The following PEX14 variants were observed in gnomAD, a reference collection of about 807,000 sequenced individuals.
The protein encoded by PEX14 is peroxisomal biogenesis factor 14, also known as peroxisomal membrane protein PEX14.
In PEX14, 15 loss-of-function variants were observed where a neutral mutation model predicts 49.5. The ratio of observed to expected loss-of-function variants is 0.30; its 90% confidence interval spans 0.20 to 0.47. The LOEUF is 0.47. PEX14 is among the 20% of genes least tolerant of loss of function. The pLI is 1.00. For synonymous variants in PEX14, 210 were observed against 212.7 expected (o/e 0.99, Z 0.11); for missense variants, 398 against 494.8 (o/e 0.80, Z 1.86).
intron 3 of PEX14, among the ~76,000 whole-genome samples, chr1:10,562,155 C>T (rs1476805368): frequency 6.6e-6 from 1 of 152,196 alleles, no homozygotes; most frequent in Non-Finnish European, 1.5e-5. Flanking sequence ...GCACTGCCCC[C>T]TGCTGCCCCA....
intron 2 of PEX14, among the ~76,000 whole-genome samples, chr1:10,502,796 C>CTT (rs34497048): frequency 6.0e-5 from 8 of 132,960 alleles, no homozygotes; most frequent in Non-Finnish European, 1.3e-4. Flanking sequence ...TTTTCTTTTT[C>CTT]TTTTTTTTTT....
chr1:10,545,178 T>C (rs981820773), intron 3 of PEX14, among the ~76,000 whole-genome samples: 37 of 152,246 alleles, frequency 2.4e-4, no homozygotes, highest in Admixed American at 2.4e-3. Context: ...TTGTTGTATA[T>C]ACTAGTGGTT....
chr1:10,603,376 AGAAATTCT>A (rs1641039876), intron 4 of PEX14, among the ~76,000 whole-genome samples: 1 of 152,226 alleles, frequency 6.6e-6, no homozygotes, highest in South Asian at 2.1e-4. Flanking sequence ...TATACAGACA[AGAAATTCT>A]GAAATTCTGA....
At chr1:10,509,415 C>G (rs904890946) in intron 2 of PEX14, among the ~76,000 whole-genome samples, 4 of 152,180 alleles carry the variant, frequency 2.6e-5, no homozygotes, top group African/African-American at 9.7e-5. Context: ...ATTATTATTT[C>G]TATTGGATTT....
At chr1:10,493,287 T>G (rs1476332716) in intron 1 of PEX14, among the ~76,000 whole-genome samples, 1 of 152,194 alleles carries the variant, frequency 6.6e-6, no homozygotes, top group Non-Finnish European at 1.5e-5. Context: ...AATGATAGTC[T>G]GTTTGCATCC....
At chr1:10,572,109 C>G (rs1485258323) in intron 3 of PEX14, among the ~76,000 whole-genome samples, 3 of 152,106 alleles carry the variant, frequency 2.0e-5, no homozygotes, top group Non-Finnish European at 4.4e-5. Context: ...AAAGGGCTGA[C>G]AGATCTAACT....
chr1:10,570,612 A>G (rs1444274443), intron 3 of PEX14, among the ~76,000 whole-genome samples: 1 of 152,154 alleles, frequency 6.6e-6, no homozygotes, highest in Admixed American at 6.5e-5. Context: ...GATTACAGGC[A>G]TGAGCCACTG....
intron 3 of PEX14, among the ~76,000 whole-genome samples, chr1:10,542,080 T>A (rs1000396016): frequency 6.6e-6 from 1 of 151,756 alleles, no homozygotes; most frequent in East Asian, 1.9e-4. Context: ...CATGTATTAG[T>A]AAAAAAAAAT....
At position 10,628,021 on chromosome 1, in the gene PEX14, T is replaced by C. The variant is rs1198133058; in HGVS notation, c.677+658T>C. ...CACGATCTCGGCTCACTGCAACCTC[T>C]GCCTCCCGGGTTCACGCCATTCTCC... On this transcript the variant is annotated intron_variant, in intron 8 of 8. Coordinates refer to ENST00000356607, the MANE Select transcript of PEX14 (RefSeq NM_004565.3). This position sits in a 1 kb window ranked among gnomAD's most constrained non-coding sequence, Gnocchi z 4.5. Among the ~76,000 whole-genome samples, 1 of 152,130 alleles carries C rather than the reference T, an allele frequency of 6.6e-6. No homozygotes were observed. The highest frequency in any genetic ancestry group is 1.5e-5 in the Non-Finnish European group (1 of 68,020).
In PEX14 at chr1:10,629,722, A is replaced by G; in HGVS notation, c.869A>G (p.Tyr290Cys). The G allele has an allele frequency of 1.2e-6, 2 of 1,604,456 alleles. No individual in the cohort carries two copies. Among genetic ancestry groups the G allele is most frequent in the Non-Finnish European group, 1.7e-6 (2 of 1,175,590 alleles). The change falls in exon 9 of 9, where the codon TAC becomes TGC. Residue 290 changes from tyrosine to cysteine, a missense_variant. Transcript: ENST00000356607. The surrounding 1 kb of genome is among the most constrained non-coding windows in gnomAD (Gnocchi z 8.5). ...GHSPEGSTVTYHLLGPQEEGE... is the reference protein window; with the variant it reads ...GHSPEGSTVTCHLLGPQEEGE... ...AGCCCCGAGGGCTCCACGGTCACCT[A>G]CCACTTGCTGGGCCCCCAGGAGGAA... is the stretch of plus-strand genomic sequence containing the variant.
Position 10,475,129 on chromosome 1 carries a change from T to G in PEX14, c.36+127T>G, listed in dbSNP as rs1641171529. ...CTGGGGACCCCGACCTCTTGCCCCC[T>G]CCTGAGCCCCGCCCCTCCCCAGGTC... On this transcript the variant is annotated intron_variant, in intron 1 of 8. Coordinates refer to ENST00000356607, the MANE Select transcript of PEX14 (RefSeq NM_004565.3). 1.3e-5 allele frequency: 11 copies of G among 859,432 alleles called. No homozygotes were observed. The South Asian group carries it at 1.6e-4, about 12-fold the overall frequency. The allele number at this position is 859,432 out of a possible 1,614,324, so 53.2% of individuals were successfully genotyped here.
intron 3 of PEX14, among the ~76,000 whole-genome samples, chr1:10,544,062 A>G (rs966194108): frequency 2.6e-5 from 4 of 152,254 alleles, no homozygotes; most frequent in African/African-American, 9.6e-5. Flanking sequence ...AGATGGAAAT[A>G]GAAATGACAG....
At chr1:10,533,236 G>A (rs187973620) in intron 2 of PEX14, among the ~76,000 whole-genome samples, 1 of 152,036 alleles carries the variant, frequency 6.6e-6, no homozygotes, top group Non-Finnish European at 1.5e-5. Flanking sequence ...GTGTAGTGAT[G>A]TCGATGCTGT....
intron 7 of PEX14, among the ~76,000 whole-genome samples, chr1:10,625,390 C>T (rs908590268): frequency 5.3e-5 from 8 of 152,206 alleles, no homozygotes; most frequent in African/African-American, 1.4e-4. Flanking sequence ...AGTCCCATCC[C>T]GAGTTGCTTA....
At chr1:10,564,673 T>C (rs1011212518) in intron 3 of PEX14, among the ~76,000 whole-genome samples, 4 of 150,824 alleles carry the variant, frequency 2.7e-5, no homozygotes, top group Non-Finnish European at 4.4e-5. Context: ...GCTCAAGTGA[T>C]GCCACCTGCC....
chr1:10,581,249 C>A (rs891962838), intron 3 of PEX14, among the ~76,000 whole-genome samples: 1 of 151,490 alleles, frequency 6.6e-6, no homozygotes, highest in African/African-American at 2.4e-5. Context: ...CAGAATGAAA[C>A]CTGTTTCCAT....
At chr1:10,534,510 A>G (rs1429070668) in intron 2 of PEX14, among the ~76,000 whole-genome samples, 2 of 150,236 alleles carry the variant, frequency 1.3e-5, no homozygotes, top group African/African-American at 4.9e-5. Context: ...CTATCTCTTC[A>G]TTAAAATGCA....
rs569898765 is a variant in PEX14, at chr1:10,609,155, G to C, written c.299-9177G>C. On this transcript the variant is annotated intron_variant, in intron 4 of 8. Transcript: ENST00000356607. ...TGGTTGTACCTCATTTTGTCCATCA[G>C]TTCAGCAGTCGATGGACATTTAGAT... 2.0e-5 allele frequency among the ~76,000 whole-genome samples: 3 copies of C among 152,316 alleles called. No homozygotes were observed. The East Asian group carries it at 5.8e-4, about 29-fold the overall frequency.
rs1557834220 is a variant in PEX14 at position 10,539,542 on chromosome 1, G to T, written c.169+3245G>T. The stretch of plus-strand genomic sequence containing the variant: ...AGATGACACATCAACTGCGGAGTCA[G>T]CCACACATCAAGATAATTGGACTGT... On this transcript the variant is annotated intron_variant, in intron 3 of 8. Coordinates refer to ENST00000356607, the MANE Select transcript of PEX14 (RefSeq NM_004565.3). This position sits in a 1 kb window ranked among gnomAD's most constrained non-coding sequence, Gnocchi z 4.6. Among the ~76,000 whole-genome samples the T allele has an allele frequency of 1.3e-5, 2 of 151,354 alleles. No individual in the cohort carries two copies. Among genetic ancestry groups the T allele is most frequent in the Non-Finnish European group, 2.9e-5 (2 of 67,884 alleles).
Sources: allele counts gnomAD v4.1 joint callset (sites outside exome capture counted in the v4.1 genomes callset), GRCh38; gene constraint gnomAD v4.1.1; non-coding constraint Gnocchi (gnomAD v3.1); transcripts MANE v1.5; gene names NCBI Gene and HGNC (gene_info 2026-07-23, HGNC 2026-07-21).